Variants in ANKUB1 observed in about 807,000 individuals in gnomAD.
ANKUB1 encodes the protein protein ANKUB1.
In ANKUB1, 42 loss-of-function variants were observed where a neutral mutation model predicts 49.3. The observed-to-expected ratio is 0.85, with a 90% CI of 0.67 to 1.10. The LOEUF is 1.10. Among genes scored for constraint, ANKUB1 ranks in the 50% least tolerant of loss-of-function variants. The probability of loss-of-function intolerance (pLI) is 0.00; values close to 1 mark genes in which losing one functional copy is unlikely to be tolerated. For missense variants in ANKUB1, 613 were observed against 642.0 expected, an observed-to-expected ratio of 0.95 and a Z score of 0.49; for synonymous variants, 222 against 231.0, an observed-to-expected ratio of 0.96 and a Z score of 0.35.
At position 149,768,032 on chromosome 3, in the gene ANKUB1, C is replaced by G; in HGVS notation, c.630G>C (p.Trp210Cys). The stretch of plus-strand genomic sequence containing the variant: ...GGGGCCGCGCACCCTGCTTCAGGGC[C>G]CATTCAGTGAGTTCAATGTACCCAC... ...AFCGYIELTE[W>C]ALKQGARPHE... Residue 210 changes from tryptophan (W) to cysteine (C), a missense_variant, in exon 5 of 6, where the codon TGG becomes TGC. Physicochemically the swap from Trp to Cys is radical, Grantham distance 215. Coordinates refer to ENST00000446160, the MANE Select transcript of ANKUB1 (RefSeq NM_001144960.3). 2.0e-6 allele frequency: 3 copies of G among 1,472,554 alleles called. No individual in the cohort carries two copies. The highest frequency in any genetic ancestry group is 2.8e-5 in the South Asian group (2 of 70,604). The allele number at this position is 1,472,554 out of a possible 1,614,324, so 91.2% of individuals were successfully genotyped here. A position where few individuals can be genotyped will look rare whatever the true frequency, so the allele number is the denominator to read the frequency against.
At chr3:149,784,592 C>A (rs925605192) in intron 2 of ANKUB1, among the ~76,000 whole-genome samples, 2 of 152,172 alleles carry the variant, frequency 1.3e-5, no homozygotes, top group Admixed American at 6.5e-5. Context: ...TTGTTTCTGG[C>A]TGCATAATCT....
In ANKUB1 at chr3:149,767,727, A is replaced by T; in HGVS notation, c.935T>A (p.Ile312Asn). ...SFPKISVPMR[I>N]YIKIKQWILR... ...GATCCATTGTTTTATTTTAATATAAATCCTCATTGGGACTGAAATTTTTGG... is the reference window on the plus strand; with the variant it reads ...GATCCATTGTTTTATTTTAATATAATTCCTCATTGGGACTGAAATTTTTGG... The change falls in exon 5 of 6, where the codon ATT becomes AAT. Residue 312 changes from isoleucine (I) to asparagine (N), a missense_variant. By Grantham distance (149) the Ile-to-Asn change is moderately radical (BLOSUM62 -3). Transcript: ENST00000446160. 1.3e-6 allele frequency: 2 copies of T among 1,551,610 alleles called. No individual in the cohort carries two copies. The highest frequency in any genetic ancestry group is 1.7e-6 in the Non-Finnish European group (2 of 1,146,952).
At chr3:149,781,470 G>A (rs922683421) in intron 2 of ANKUB1, among the ~76,000 whole-genome samples, 2 of 152,218 alleles carry the variant, frequency 1.3e-5, no homozygotes, top group Admixed American at 1.3e-4. Flanking sequence ...TGGGTTGGCA[G>A]ATGTCAGTGC....
chr3:149,775,143 C>T (rs1345479464), intron 3 of ANKUB1, among the ~76,000 whole-genome samples: 2 of 152,136 alleles, frequency 1.3e-5, no homozygotes, highest in African/African-American at 2.4e-5. Context: ...AGCAACAGTG[C>T]CTATTTAGGC....
chr3:149,762,268 AC>A (rs1478561528), intron 5 of ANKUB1, among the ~76,000 whole-genome samples: 1 of 152,086 alleles, frequency 6.6e-6, no homozygotes, highest in Non-Finnish European at 1.5e-5. Flanking sequence ...TGACTCCTTG[AC>A]CTTTCTCAAA....
At chr3:149,774,621 G>A (rs952961147) in intron 3 of ANKUB1, among the ~76,000 whole-genome samples, 18 of 152,284 alleles carry the variant, frequency 1.2e-4, no homozygotes, top group Non-Finnish European at 1.9e-4. Context: ...TAACATTGGT[G>A]GGGCACCTCC....
intron 5 of ANKUB1, 122 bp from the exon 6 acceptor site, chr3:149,761,735 T>A: frequency 9.6e-7 from 1 of 1,046,414 alleles, no homozygotes; most frequent in Non-Finnish European, 1.3e-6. Flanking sequence ...GTCACATAGG[T>A]AGATGTGAAA....
At chr3:149,763,854 A>T in intron 5 of ANKUB1, 1 of 455,518 alleles carries the variant, frequency 2.2e-6, no homozygotes. Flanking sequence ...TGTTAACTGC[A>T]TAATGCCATC....
At chr3:149,774,686 G>A (rs566804957) in intron 3 of ANKUB1, among the ~76,000 whole-genome samples, 6 of 152,218 alleles carry the variant, frequency 3.9e-5, no homozygotes, top group Admixed American at 2.0e-4. Context: ...CAAATATTAC[G>A]GGTGTTATAA....
chr3:149,787,957 T>G (rs555259202), intron 2 of ANKUB1, among the ~76,000 whole-genome samples: 14 of 152,328 alleles, frequency 9.2e-5, no homozygotes, highest in Admixed American at 9.2e-4. Context: ...TACAAAAGTT[T>G]TGGGTTCACA....
chr3:149,762,574 T>C (rs1328007145), intron 5 of ANKUB1, among the ~76,000 whole-genome samples: 1 of 152,240 alleles, frequency 6.6e-6, no homozygotes, highest in Non-Finnish European at 1.5e-5. Context: ...TTATTTTCTC[T>C]TATTTCTCTT....
chr3:149,772,106 C>T (rs1228711472), intron 3 of ANKUB1, among the ~76,000 whole-genome samples: 1 of 151,098 alleles, frequency 6.6e-6, no homozygotes. Flanking sequence ...CTCACTGCAA[C>T]CTCTGCCTCC....
Position 149,780,364 on chromosome 3 carries a change from A to T in ANKUB1, c.326T>A (p.Val109Glu). Residue 109 changes from valine to glutamate, a missense_variant, in exon 3 of 6, where the codon GTG becomes GAG. Physicochemically the swap from Val to Glu is moderately radical, Grantham distance 121 (BLOSUM62 -2). Transcript: ENST00000446160. ...AGTTACCAGTGTTCTCAGATCAGAC[A>T]CTGTTTTATCAAGAAGGGAAATGCT... ...MESISLLDKT[V>E]SDLRTLVTLR... The T allele has an allele frequency of 6.4e-7, 1 of 1,552,060 alleles. No individual in the cohort carries two copies. The highest frequency in any genetic ancestry group is 1.4e-5 in the African/African-American group (1 of 73,162).
rs757464210 is a variant in ANKUB1 at position 149,767,910 on chromosome 3, C to T, written c.752G>A (p.Gly251Asp). The change falls in exon 5 of 6, where the codon GGC becomes GAC. Residue 251 changes from glycine (G) to aspartate (D), a missense_variant. Transcript: ENST00000446160. The part of the protein sequence containing the change: ...KCPIHAAAEA[G>D]QLLILKAFVN... ...AAAGGCCTTCAGAATCAACAGTTGG[C>T]CTGCTTCTGCGGCTGCATGAATGGG... The T allele has an allele frequency of 6.4e-6, 10 of 1,550,820 alleles. No homozygotes were observed. Among genetic ancestry groups the T allele is most frequent in the Non-Finnish European group, 8.7e-6 (10 of 1,146,376 alleles).
Position 149,770,561 on chromosome 3 carries a change from T to C in ANKUB1, c.565A>G (p.Lys189Glu), listed in dbSNP as rs1264603598. 7.2e-6 allele frequency: 11 copies of C among 1,536,800 alleles called. No homozygotes were observed. The highest frequency in any genetic ancestry group is 6.9e-5 in the African/African-American group (5 of 72,496). Residue 189 changes from lysine to glutamate, a missense_variant and splice_region_variant, in exon 4 of 6, where the codon AAG (lysine) becomes GAG (glutamate). By Grantham distance (56) the Lys-to-Glu change is moderately conservative. Transcript: ENST00000446160. ...TAATTTAAAATTAATTTCTCATACT[T>C]GAGTACTGGTCCTTCTTTTGATAAG... Reference protein sequence around the residue: ...RYLSKEGPVLKYQKRVALYIA... With the variant: ...RYLSKEGPVLEYQKRVALYIA...
intron 2 of ANKUB1, among the ~76,000 whole-genome samples, chr3:149,789,478 G>A (rs187260748): frequency 6.6e-6 from 1 of 152,164 alleles, no homozygotes; most frequent in Admixed American, 6.5e-5. Context: ...GAAATGTAAT[G>A]TTATACTTCC....
intron 4 of ANKUB1, among the ~76,000 whole-genome samples, chr3:149,770,098 A>C (rs78888159): frequency 0.024 from 3,693 of 152,250 alleles, 66 homozygotes; most frequent in Non-Finnish European, 0.035. Flanking sequence ...TCTTTTCCTT[A>C]TGATTTTCTT....
At position 149,785,896 on chromosome 3, in the gene ANKUB1, A is replaced by G. The variant is rs543481515; in HGVS notation, c.234+4885T>C. 2.0e-5 allele frequency among the ~76,000 whole-genome samples: 3 copies of G among 152,184 alleles called. No homozygotes were observed. In the East Asian group the frequency reaches 5.8e-4, roughly 29 times the overall value. ...CCACCAACAGTGTAAAAGTGTTCTT[A>G]TTTCTCCACATCCTCTCCAGCACCT... On this transcript the variant is annotated intron_variant, in intron 2 of 5. Transcript: ENST00000446160.
At position 149,785,998 on chromosome 3, in the gene ANKUB1, T is replaced by A. The variant is rs138784597; in HGVS notation, c.234+4783A>T. ...TCTCATTGTGGTTTTGATTTGCATT[T>A]CTCTGATGGCCAGTGATGATGAGCT... On this transcript the variant is annotated intron_variant, in intron 2 of 5. Transcript: ENST00000446160. 5.2e-3 allele frequency among the ~76,000 whole-genome samples: 797 copies of A among 152,236 alleles called. 7 individuals are homozygous for A. Among genetic ancestry groups the A allele is most frequent in the African/African-American group, 0.017 (726 of 41,552 alleles).
Sources: gnomAD v4.1 joint callset for allele counts (sites outside exome capture counted in the v4.1 genomes callset) on GRCh38, gnomAD v4.1.1 for gene constraint, MANE v1.5 for transcripts, NCBI Gene and HGNC (gene_info 2026-07-23, HGNC 2026-07-21) for gene names.